The following FAM110B variants were observed in gnomAD, a reference collection of about 807,000 sequenced individuals.
The protein encoded by FAM110B is protein FAM110B.
A neutral mutation model predicts 20.4 loss-of-function variants in FAM110B; 6 were observed. The observed-to-expected ratio is 0.29, with a 90% CI of 0.16 to 0.58. The LOEUF (loss-of-function observed/expected upper bound fraction) is 0.58. FAM110B is among the 20% of genes least tolerant of loss of function. FAM110B has a pLI of 0.90. For synonymous variants in FAM110B, 226 were observed against 214.1 expected, an observed-to-expected ratio of 1.06 and a Z score of -0.49; for missense variants, 434 against 498.2, an observed-to-expected ratio of 0.87 and a Z score of 1.23.
chr8:58,110,047 G>A (rs1470903923), intron 3 of FAM110B, among the ~76,000 whole-genome samples: 1 of 152,094 alleles, frequency 6.6e-6, no homozygotes, highest in African/African-American at 2.4e-5. Context: ...TCTCTGAAAA[G>A]CTAAGATATG....
intron 2 of FAM110B, among the ~76,000 whole-genome samples, chr8:58,068,505 C>T (rs1036382241): frequency 5.3e-5 from 8 of 152,110 alleles, no homozygotes; most frequent in African/African-American, 1.9e-4. Flanking sequence ...GCCAATAGTC[C>T]TGTTTCTTGG....
chr8:58,081,293 G>A (rs1285788970), intron 3 of FAM110B, among the ~76,000 whole-genome samples: 1 of 152,150 alleles, frequency 6.6e-6, no homozygotes, highest in Non-Finnish European at 1.5e-5. Context: ...TCCAACCTCT[G>A]CATCCCAGTT....
At chr8:58,030,759 T>C (rs1298250393) in intron 1 of FAM110B, among the ~76,000 whole-genome samples, 1 of 152,224 alleles carries the variant, frequency 6.6e-6, no homozygotes, top group African/African-American at 2.4e-5. Flanking sequence ...GGACTGATGG[T>C]ATCTGACAAA....
chr8:58,068,167 A>AG (rs1805810396), intron 2 of FAM110B, among the ~76,000 whole-genome samples: 5 of 152,232 alleles, frequency 3.3e-5, no homozygotes, highest in Admixed American at 3.3e-4. Flanking sequence ...GGCAGCCTTC[A>AG]GGGAGCTGTG....
chr8:58,071,678 A>G (rs1327429862), intron 2 of FAM110B, among the ~76,000 whole-genome samples: 1 of 152,192 alleles, frequency 6.6e-6, no homozygotes, highest in Non-Finnish European at 1.5e-5. Context: ...TACAAAATGC[A>G]TCCAAATAAC....
chr8:58,141,667 A>C (rs113650917), intron 3 of FAM110B, among the ~76,000 whole-genome samples: 4 of 152,156 alleles, frequency 2.6e-5, no homozygotes, highest in Admixed American at 1.3e-4. Context: ...TACCAGAAGC[A>C]CTCTTTAAAG....
chr8:58,101,529 G>A (rs537704238), intron 3 of FAM110B, among the ~76,000 whole-genome samples: 1 of 152,126 alleles, frequency 6.6e-6, no homozygotes, highest in African/African-American at 2.4e-5. Context: ...TCATCAAATA[G>A]TAATTCCATT....
chr8:58,126,751 G>T (rs879435117), intron 3 of FAM110B, among the ~76,000 whole-genome samples: 10 of 151,952 alleles, frequency 6.6e-5, no homozygotes, highest in East Asian at 5.8e-4. Flanking sequence ...GGATTGTTTG[G>T]TTTTTTTAAA....
intron 2 of FAM110B, among the ~76,000 whole-genome samples, chr8:58,062,807 T>A (rs1413457241): frequency 6.6e-6 from 1 of 152,228 alleles, no homozygotes; most frequent in Non-Finnish European, 1.5e-5. Flanking sequence ...ATTGGCTGCT[T>A]TCCAGACATT....
chr8:57,995,156 G>C (rs1016320341), intron 1 of FAM110B, among the ~76,000 whole-genome samples: 30 of 152,136 alleles, frequency 2.0e-4, no homozygotes, highest in Non-Finnish European at 2.2e-4. Flanking sequence ...GAGCCAGGGC[G>C]GGGGGAAGCT....
chr8:58,061,727 A>T (rs1041068068), intron 2 of FAM110B, among the ~76,000 whole-genome samples: 8 of 152,180 alleles, frequency 5.3e-5, no homozygotes, highest in African/African-American at 9.7e-5. Context: ...TAGCAGTGAA[A>T]CTTATCTTTC....
intron 3 of FAM110B, among the ~76,000 whole-genome samples, chr8:58,081,427 G>A (rs761255984): frequency 5.3e-5 from 8 of 152,010 alleles, no homozygotes; most frequent in Non-Finnish European, 7.4e-5. Flanking sequence ...CGCTGGTCTC[G>A]AACTCCTGAC....
At chr8:58,101,809 T>C (rs562868106) in intron 3 of FAM110B, among the ~76,000 whole-genome samples, 19 of 152,270 alleles carry the variant, frequency 1.2e-4, no homozygotes, top group Non-Finnish European at 1.3e-4. Flanking sequence ...CTCACCATTG[T>C]TTGTACCTCT....
intron 3 of FAM110B, among the ~76,000 whole-genome samples, chr8:58,104,893 T>C (rs1045192748): frequency 6.6e-6 from 1 of 152,018 alleles, no homozygotes; most frequent in African/African-American, 2.4e-5. Flanking sequence ...CTGAGTAACT[T>C]TGCATCAGCC....
At chr8:58,100,594 C>T (rs1806754667) in intron 3 of FAM110B, among the ~76,000 whole-genome samples, 1 of 152,186 alleles carries the variant, frequency 6.6e-6, no homozygotes. Flanking sequence ...CTTCGGTGTT[C>T]CTTGGCTTAT....
intron 2 of FAM110B, among the ~76,000 whole-genome samples, chr8:58,039,715 C>A (rs1805164000): frequency 6.6e-6 from 1 of 152,090 alleles, no homozygotes; most frequent in Admixed American, 6.6e-5. Flanking sequence ...GTTAGTCTCC[C>A]CCTCTGGAGG....
intron 3 of FAM110B, among the ~76,000 whole-genome samples, chr8:58,136,081 G>A (rs1318976908): frequency 2.1e-5 from 3 of 140,954 alleles, no homozygotes; most frequent in South Asian, 2.2e-4. Flanking sequence ...ATGTGATCTC[G>A]GCTCACTGCA....
At chr8:58,098,759 C>T (rs528636395) in intron 3 of FAM110B, among the ~76,000 whole-genome samples, 14 of 141,282 alleles carry the variant, frequency 9.9e-5, no homozygotes, top group African/African-American at 2.9e-4. Flanking sequence ...TAGCCCCTCA[C>T]AGCTTCCCTT....
chr8:58,082,195 G>A (rs1806214109), intron 3 of FAM110B, among the ~76,000 whole-genome samples: 1 of 152,164 alleles, frequency 6.6e-6, no homozygotes, highest in African/African-American at 2.4e-5. Flanking sequence ...ACCCACCCAG[G>A]AAGCCTTTGT....
Sources: allele counts gnomAD v4.1 joint callset (sites outside exome capture counted in the v4.1 genomes callset), GRCh38; gene constraint gnomAD v4.1.1; transcripts MANE v1.5; gene names NCBI Gene and HGNC (gene_info 2026-07-23, HGNC 2026-07-21).